Variants in DSTYK observed in about 807,000 individuals in gnomAD.
DSTYK encodes the protein RIP-homologous kinase.
In DSTYK, 34 loss-of-function variants were observed where a neutral mutation model predicts 98.7. That is an observed-to-expected ratio of 0.34 (90% CI 0.26 to 0.46). The LOEUF is 0.46. Among genes scored for constraint, DSTYK ranks in the 20% least tolerant of loss-of-function variants. The probability of loss-of-function intolerance (pLI) is 1.00; values close to 1 mark genes in which losing one functional copy is unlikely to be tolerated. For synonymous variants in DSTYK, 462 were observed against 457.3 expected (o/e 1.01, Z -0.13); for missense variants, 962 against 1,181.7 (o/e 0.81, Z 2.73).
In DSTYK at chr1:205,187,514, G is replaced by A. The variant is rs1289226153; in HGVS notation, c.558C>T (p.Thr186=). ...GGACCTCCAGATCCTCCTCAGGGAT[G>A]GTCTCCCAGTTGCCCTGATGAGCAA... ...TLVAHQGNWE[T]IPEEDLEVQE... is the part of the protein sequence containing the mutation. The change falls in exon 2 of 13, where the codon ACC becomes ACT. Residue 186 remains threonine, a synonymous_variant. Coordinates refer to ENST00000367162, the MANE Select transcript of DSTYK (RefSeq NM_015375.3). 6.2e-7 allele frequency: 1 copy of A among 1,614,152 alleles called. No homozygotes were observed. Among genetic ancestry groups the A allele is most frequent in the South Asian group, 1.1e-5 (1 of 91,082 alleles).
chr1:205,211,183 G>A (rs1157415446), intron 1 of DSTYK, 88 bp downstream of exon 1: 7 of 1,474,698 alleles, frequency 4.7e-6, no homozygotes, highest in African/African-American at 1.5e-5. Context: ...TGCCCGAGAA[G>A]ACTCGGGCTT....
At chr1:205,178,479 T>C (rs2102431347) in intron 2 of DSTYK, among the ~76,000 whole-genome samples, 1 of 152,170 alleles carries the variant, frequency 6.6e-6, no homozygotes, top group Admixed American at 6.5e-5. Context: ...AAGAGGGAAA[T>C]AGAAAGGAGG....
intron 7 of DSTYK, among the ~76,000 whole-genome samples, chr1:205,160,832 C>A (rs1340732114): frequency 5.3e-5 from 8 of 151,046 alleles, no homozygotes; most frequent in Non-Finnish European, 1.5e-5. Flanking sequence ...ACCCAGGCTG[C>A]AGTGCAGTGG....
intron 1 of DSTYK, among the ~76,000 whole-genome samples, chr1:205,207,755 C>CAAAAAAAAAAAAAAAAAAAAAAAAA (rs766036213): frequency 5.7e-5 from 3 of 52,728 alleles, no homozygotes; most frequent in African/African-American, 3.1e-4. Context: ...GACTCTGTCT[C>CAAAAAAAAAAAAAAAAAAAAAAAAA]AAAAAAAAAA....
Position 205,147,660 on chromosome 1 carries a change from C to A in DSTYK, c.2688G>T (p.Arg896Ser), listed in dbSNP as rs1234713183. 1 of 1,614,026 alleles carries A rather than the reference C, an allele frequency of 6.2e-7. No individual in the cohort carries two copies. The highest frequency in any genetic ancestry group is 1.3e-5 in the African/African-American group (1 of 74,914). Residue 896 changes from arginine to serine, a missense_variant, in exon 13 of 13, where the codon AGG becomes AGT. By Grantham distance (110) the Arg-to-Ser change is moderately radical. Coordinates refer to ENST00000367162, the MANE Select transcript of DSTYK (RefSeq NM_015375.3). The stretch of plus-strand genomic sequence containing the variant: ...TGGGCTGGACAATGCCCAAGAGAGG[C>A]CTCTTCAAGGGGTCGCCATCCCAAC... ...EACWDGDPLK[R>S]PLLGIVQPML... is the part of the protein sequence containing the mutation.
chr1:205,186,756 G>A (rs1285949525), intron 2 of DSTYK, among the ~76,000 whole-genome samples: 1 of 152,212 alleles, frequency 6.6e-6, no homozygotes, highest in African/African-American at 2.4e-5. Context: ...TAAAGTCTTA[G>A]ACAATATGAT....
At chr1:205,179,014 CA>C (rs1331254572) in intron 2 of DSTYK, among the ~76,000 whole-genome samples, 1 of 151,900 alleles carries the variant, frequency 6.6e-6, no homozygotes, top group Non-Finnish European at 1.5e-5. Context: ...CCTGTAGTCC[CA>C]GGCACTCAGG....
chr1:205,147,647 T>C lies in DSTYK; in HGVS notation c.2701A>G (p.Ile901Val), dbSNP rs2102372872. The stretch of plus-strand genomic sequence containing the variant: ...ATGCCCTGGAGCATGGGCTGGACAA[T>C]GCCCAAGAGAGGCCTCTTCAAGGGG... ...GDPLKRPLLG[I>V]VQPMLQGIMN... Residue 901 changes from isoleucine (I) to valine (V), a missense_variant, in exon 13 of 13, where the codon ATT becomes GTT. Physicochemically the swap from Ile to Val is conservative, Grantham distance 29. This residue lies in a region of DSTYK where 65 missense variants were observed against 63.9 expected (regional missense o/e 1.02). Coordinates refer to ENST00000367162, the MANE Select transcript of DSTYK (RefSeq NM_015375.3). 1 of 1,614,126 alleles carries C rather than the reference T, an allele frequency of 6.2e-7. No individual in the cohort carries two copies. The highest frequency in any genetic ancestry group is 2.2e-5 in the East Asian group (1 of 44,878).
intron 2 of DSTYK, among the ~76,000 whole-genome samples, chr1:205,180,795 C>T (rs1658374989): frequency 6.6e-6 from 1 of 152,068 alleles, no homozygotes; most frequent in Admixed American, 6.6e-5. Context: ...ATCAAGGTTA[C>T]TATAGTGAGC....
chr1:205,151,693 CTT>C (rs34595009), intron 10 of DSTYK, among the ~76,000 whole-genome samples: 5 of 46,904 alleles, frequency 1.1e-4, no homozygotes, highest in Admixed American at 3.1e-4. Context: ...TATAGGCTTT[CTT>C]TTTTTTTTTT....
intron 5 of DSTYK, 76 bp downstream of exon 5, chr1:205,162,847 T>C (rs962145898): frequency 8.9e-6 from 10 of 1,126,168 alleles, no homozygotes; most frequent in Non-Finnish European, 1.4e-5. Context: ...TAGATATCTG[T>C]TTCCTACTGG....
In DSTYK at chr1:205,146,272, T is replaced by G. The variant is rs1657230099; in HGVS notation, c.*1286A>C. 1 of 152,226 alleles carries G rather than the reference T, an allele frequency of 6.6e-6. No homozygotes were observed. Among genetic ancestry groups the G allele is most frequent in the Admixed American group, 6.5e-5 (1 of 15,278 alleles). The allele number at this position is 152,226 out of a possible 1,614,324, so 9.4% of individuals were successfully genotyped here. ...AAAACAAGCTGGTTTTCTTCCAGTA[T>G]GTTTGTACATAGGCCATGGCCTCCA... On this transcript the variant is annotated 3_prime_UTR_variant, in exon 13 of 13. Coordinates refer to ENST00000367162, the MANE Select transcript of DSTYK (RefSeq NM_015375.3).
Position 205,189,170 on chromosome 1 carries a change from A to G in DSTYK, c.266-1364T>C, listed in dbSNP as rs1157478164. The stretch of plus-strand genomic sequence containing the variant: ...TCTAAAACAAAAAAAAACAAAAAAA[A>G]CTTCTCCTTTCAAGGCAACTACTAC... On this transcript the variant is annotated intron_variant, in intron 1 of 12. Transcript: ENST00000367162. Among the ~76,000 whole-genome samples, 8 of 152,290 alleles carry G rather than the reference A, an allele frequency of 5.3e-5. No homozygotes were observed. In the East Asian group the frequency reaches 1.3e-3, roughly 26 times the overall value.
In DSTYK at chr1:205,169,662, A is replaced by G. The variant is rs890874134; in HGVS notation, c.825T>C (p.Pro275=). 1 of 1,614,242 alleles carries G rather than the reference A, an allele frequency of 6.2e-7. No homozygotes were observed. Among genetic ancestry groups the G allele is most frequent in the Non-Finnish European group, 8.5e-7 (1 of 1,180,030 alleles). The change falls in exon 3 of 13, where the codon CCT becomes CCC. Residue 275 remains proline (P), a synonymous_variant. Coordinates refer to ENST00000367162, the MANE Select transcript of DSTYK (RefSeq NM_015375.3). The surrounding 1 kb of genome is among the most constrained non-coding windows in gnomAD (Gnocchi z 4.0). ...GTTTCGGCACTTTGAAAAAGAATAC[A>G]GGAAAGGAGAAATACTTTCGGATTT... ...LQEIRKYFSF[P]VFFFKVPKLG... is the part of the protein sequence containing the mutation.
rs747837654 is a variant in DSTYK, at chr1:205,162,015, T to A, written c.1818+21A>T. The A allele has an allele frequency of 1.1e-5, 17 of 1,606,134 alleles. No homozygotes were observed. The East Asian group carries it at 1.8e-4, about 17-fold the overall frequency. Reference sequence around the variant, plus strand: ...CTCTTCTCTGCTTGATCCAGCTGTATCTCCTTTCCTACATACCAACCTGCC... The same window carrying A: ...CTCTTCTCTGCTTGATCCAGCTGTAACTCCTTTCCTACATACCAACCTGCC... On this transcript the variant is annotated intron_variant, in intron 6 of 12. Coordinates refer to ENST00000367162, the MANE Select transcript of DSTYK (RefSeq NM_015375.3).
At position 205,150,708 on chromosome 1, in the gene DSTYK, T is replaced by C. The variant is rs1230728535; in HGVS notation, c.2439A>G (p.Pro813=). Residue 813 remains proline (P), a synonymous_variant, in exon 11 of 13, where the codon CCA becomes CCG. Transcript: ENST00000367162. This position sits in a 1 kb window ranked among gnomAD's most constrained non-coding sequence, Gnocchi z 4.1. ...AMMSGSIVGT[P]IHMAPELFTG... is the part of the protein sequence containing the mutation. ...TGAAAAGTTCAGGGGCCATATGGAT[T>C]GGTGTCCCCACAATGCTGCCTGACA... The C allele has an allele frequency of 3.1e-6, 5 of 1,613,910 alleles. No homozygotes were observed. The African/African-American group carries it at 6.7e-5, about 22-fold the overall frequency.
At position 205,188,078 on chromosome 1, in the gene DSTYK, G is replaced by A. The variant is rs543503476; in HGVS notation, c.266-272C>T. Among the ~76,000 whole-genome samples, 16 of 151,940 alleles carry A rather than the reference G, an allele frequency of 1.1e-4. 1 individual carries two copies. The highest frequency in any genetic ancestry group is 1.5e-4 in the African/African-American group (6 of 41,368). ...AATGTGGGAGTGACCTGATCTTCCC[G>A]CCCCGCTCCTTTTTCATTCAGTGGA... is the stretch of plus-strand genomic sequence containing the variant. On this transcript the variant is annotated intron_variant, in intron 1 of 12. Transcript: ENST00000367162.
intron 2 of DSTYK, among the ~76,000 whole-genome samples, chr1:205,171,057 T>C (rs571692969): frequency 1.3e-5 from 2 of 151,910 alleles, no homozygotes; most frequent in Non-Finnish European, 2.9e-5. Flanking sequence ...AAAAACTCTA[T>C]CTTTAAGTTC....
chr1:205,147,635 T>C lies in DSTYK; in HGVS notation c.2713A>G (p.Met905Val). The C allele has an allele frequency of 1.2e-6, 2 of 1,614,160 alleles. No individual in the cohort carries two copies. Among genetic ancestry groups the C allele is most frequent in the Non-Finnish European group, 1.7e-6 (2 of 1,179,978 alleles). The change falls in exon 13 of 13, where the codon ATG (methionine) becomes GTG (valine). Residue 905 changes from methionine (M) to valine (V), a missense_variant. Around this residue, in one of 4 missense-constraint regions of DSTYK, gnomAD observed 65 missense variants for 63.9 expected, o/e 1.02. Transcript: ENST00000367162. ...KRPLLGIVQP[M>V]LQGIMNRLCK... is the part of the protein sequence containing the mutation. ...AGCCGATTCATGATGCCCTGGAGCA[T>C]GGGCTGGACAATGCCCAAGAGAGGC...
Sources: gnomAD v4.1 joint callset for allele counts (sites outside exome capture counted in the v4.1 genomes callset) on GRCh38, gnomAD v4.1.1 for gene constraint, gnomAD v4.1.1 regional missense constraint, Gnocchi (gnomAD v3.1) non-coding constraint, MANE v1.5 for transcripts, NCBI Gene and HGNC (gene_info 2026-07-23, HGNC 2026-07-21) for gene names.